Variants in ATP9B observed in about 807,000 individuals in gnomAD.
ATP9B encodes the protein probable phospholipid-transporting ATPase IIB.
ATP9B carries 110 observed loss-of-function variants against 146.1 expected under a neutral mutation model. The ratio of observed to expected loss-of-function variants is 0.75; its 90% CI spans 0.65 to 0.88. The LOEUF (loss-of-function observed/expected upper bound fraction) is 0.88. ATP9B is among the 40% of genes least tolerant of loss of function. ATP9B has a pLI of 0.00. For synonymous variants in ATP9B, 604 were observed against 569.7 expected (o/e 1.06, Z -0.86); for missense variants, 1,499 against 1,496.4 (o/e 1.00, Z -0.03).
At chr18:79,299,454 A>G (rs576120285) in intron 13 of ATP9B, among the ~76,000 whole-genome samples, 1 of 152,254 alleles carries the variant, frequency 6.6e-6, no homozygotes, top group South Asian at 2.1e-4. Context: ...TTCAAGTCAC[A>G]GGTCAGATGC....
intron 11 of ATP9B, among the ~76,000 whole-genome samples, chr18:79,225,594 G>A (rs1202413096): frequency 6.6e-6 from 1 of 151,860 alleles, no homozygotes; most frequent in Non-Finnish European, 1.5e-5. Flanking sequence ...GCTGGGTCCC[G>A]CAGTCGCAGG....
intron 11 of ATP9B, among the ~76,000 whole-genome samples, chr18:79,235,349 ATAAAC>A (rs1219795343): frequency 2.0e-5 from 3 of 152,236 alleles, no homozygotes; most frequent in African/African-American, 7.2e-5. Context: ...ATAGAGCAAT[ATAAAC>A]TAGACTCCCA....
chr18:79,317,764 G>A (rs991289438), intron 15 of ATP9B, among the ~76,000 whole-genome samples: 17 of 152,218 alleles, frequency 1.1e-4, no homozygotes, highest in African/African-American at 3.6e-4. Flanking sequence ...GTACCTCTCC[G>A]GGGTGGTGGA....
At chr18:79,131,314 C>G (rs932862799) in intron 5 of ATP9B, among the ~76,000 whole-genome samples, 6 of 152,196 alleles carry the variant, frequency 3.9e-5, no homozygotes, top group Non-Finnish European at 1.5e-5. Context: ...AGAACTCTTA[C>G]AATTTCAACA....
At position 79,207,007 on chromosome 18, in the gene ATP9B, C is replaced by T; in HGVS notation, c.1025C>T (p.Ala342Val). 6.2e-7 allele frequency: 1 copy of T among 1,613,826 alleles called. No individual in the cohort carries two copies. Among genetic ancestry groups the T allele is most frequent in the Non-Finnish European group, 8.5e-7 (1 of 1,179,730 alleles). Residue 342 changes from alanine (A) to valine (V), a missense_variant, in exon 10 of 30, where the codon GCA (alanine) becomes GTA (valine). Transcript: ENST00000426216. ...ENTLWASTIV[A>V]SGTVIGVVIY... ...ACATTGTGGGCAAGCACCATTGTTGCATCAGGTAAGGAAAACATTCTCCTC... is the reference window on the plus strand; with the variant it reads ...ACATTGTGGGCAAGCACCATTGTTGTATCAGGTAAGGAAAACATTCTCCTC...
In ATP9B at chr18:79,235,910, C is replaced by CTTAGGGCTT. The variant is rs2095837532; in HGVS notation, c.1108-17470_1108-17469insTAGGGCTTT. 7.9e-5 allele frequency among the ~76,000 whole-genome samples: 12 copies of CTTAGGGCTT among 152,260 alleles called. No homozygotes were observed. In the South Asian group the frequency reaches 1.7e-3, roughly 21 times the overall value. On this transcript the variant is annotated intron_variant, in intron 11 of 29. Coordinates refer to ENST00000426216, the MANE Select transcript of ATP9B (RefSeq NM_198531.5). ...CCACGGATTTCTACATCTTTGATCT[C>CTTAGGGCTT]TGGGTTCTTTGGGCTTTTTGCTCTT...
intron 11 of ATP9B, among the ~76,000 whole-genome samples, chr18:79,249,048 G>A (rs1379740268): frequency 6.6e-6 from 1 of 150,930 alleles, no homozygotes; most frequent in African/African-American, 2.4e-5. Flanking sequence ...ATGGAGATAA[G>A]GTCTGATTCT....
At chr18:79,281,390 C>T (rs570053725) in intron 13 of ATP9B, among the ~76,000 whole-genome samples, 115 of 151,694 alleles carry the variant, frequency 7.6e-4, no homozygotes, top group African/African-American at 2.3e-3. Flanking sequence ...TTAGCTACTC[C>T]GGAGGCTGAG....
chr18:79,095,238 A>C (rs1799212080), intron 1 of ATP9B, among the ~76,000 whole-genome samples: 1 of 152,048 alleles, frequency 6.6e-6, no homozygotes, highest in African/African-American at 2.4e-5. Flanking sequence ...TCCCATGTGG[A>C]CTTCTGCCCC....
At chr18:79,083,225 C>G (rs915255274) in intron 1 of ATP9B, among the ~76,000 whole-genome samples, 1 of 152,218 alleles carries the variant, frequency 6.6e-6, no homozygotes, top group African/African-American at 2.4e-5. Context: ...ACCACCTACT[C>G]AAGCCACAGT....
intron 11 of ATP9B, among the ~76,000 whole-genome samples, chr18:79,217,573 TTA>T (rs1212124991): frequency 6.6e-6 from 1 of 152,222 alleles, no homozygotes; most frequent in Admixed American, 6.5e-5. Flanking sequence ...AATGCTAGTT[TTA>T]CAAGAATAAA....
intron 6 of ATP9B, among the ~76,000 whole-genome samples, chr18:79,147,861 T>C (rs2094616728): frequency 6.6e-6 from 1 of 151,930 alleles, no homozygotes; most frequent in African/African-American, 2.4e-5. Context: ...GAAGACAAGA[T>C]AGAAAATCAA....
chr18:79,113,756 G>A (rs1234475836), intron 4 of ATP9B, among the ~76,000 whole-genome samples: 1 of 152,170 alleles, frequency 6.6e-6, no homozygotes, highest in Non-Finnish European at 1.5e-5. Flanking sequence ...GTATCCAAGT[G>A]CAGTACGTAT....
chr18:79,269,982 C>A (rs1001548244), intron 12 of ATP9B, among the ~76,000 whole-genome samples: 3 of 152,220 alleles, frequency 2.0e-5, no homozygotes, highest in African/African-American at 7.2e-5. Context: ...ATCCTCCTTG[C>A]GGCCTTTAGC....
intron 12 of ATP9B, among the ~76,000 whole-genome samples, chr18:79,273,255 GGA>G (rs2096274726): frequency 6.6e-6 from 1 of 152,256 alleles, no homozygotes; most frequent in Non-Finnish European, 1.5e-5. Flanking sequence ...TCTGAAGCCC[GGA>G]GAGAGGTCTA....
intron 11 of ATP9B, among the ~76,000 whole-genome samples, chr18:79,223,706 G>C (rs984927085): frequency 1.4e-4 from 21 of 152,118 alleles, no homozygotes; most frequent in Non-Finnish European, 2.5e-4. Context: ...TGCATACCCG[G>C]CACACTTTGA....
rs2096760143 is a variant in ATP9B, at chr18:79,327,619, CCTGGTTA to C, written c.1774-1521_1774-1515del. Among the ~76,000 whole-genome samples the C allele has an allele frequency of 1.3e-4, 17 of 126,930 alleles. 1 individual carries two copies. Among genetic ancestry groups the C allele is most frequent in the African/African-American group, 4.0e-4 (13 of 32,886 alleles). 83.3% of individuals were successfully genotyped at this position (126,930 alleles called of 152,430 possible). On this transcript the variant is annotated intron_variant, in intron 15 of 29. Coordinates refer to ENST00000426216, the MANE Select transcript of ATP9B (RefSeq NM_198531.5). ...TGCCCTCCGTGGTTAGCGTGCCCTC[CCTGGTTA>C]GTGTGCCCTCCCTGGTTAGCATGCT...
At chr18:79,316,548 G>A (rs1399157762) in intron 15 of ATP9B, among the ~76,000 whole-genome samples, 3 of 152,098 alleles carry the variant, frequency 2.0e-5, no homozygotes, top group Non-Finnish European at 4.4e-5. Context: ...AGATCAAAGT[G>A]GTCTCTGTGG....
intron 5 of ATP9B, among the ~76,000 whole-genome samples, chr18:79,127,416 CTG>C (rs1322110596): frequency 1.3e-5 from 2 of 152,108 alleles, no homozygotes; most frequent in African/African-American, 4.8e-5. Context: ...CTTTCTGTCT[CTG>C]TGGTTTTGCC....
Sources: allele counts gnomAD v4.1 joint callset (sites outside exome capture counted in the v4.1 genomes callset), GRCh38; gene constraint gnomAD v4.1.1; transcripts MANE v1.5; gene names NCBI Gene and HGNC (gene_info 2026-07-23, HGNC 2026-07-21).